Variants in SALL4 observed in about 807,000 individuals in gnomAD.
SALL4 encodes the protein spalt like transcription factor 4, also known as sal-like protein 4.
A neutral mutation model predicts 60.8 loss-of-function variants in SALL4; 4 were observed. The ratio of observed to expected loss-of-function variants is 0.07; its 90% confidence interval spans 0.03 to 0.15. The LOEUF is 0.15. Among genes scored for constraint, SALL4 ranks in the 10% least tolerant of loss-of-function variants. SALL4 has a pLI of 1.00. For missense variants in SALL4, 1,178 were observed against 1,394.7 expected (o/e 0.84, Z 2.48); for synonymous variants, 580 against 574.9 (o/e 1.01, Z -0.13).
At chr20:51,794,244 C>G (rs1016546710) in intron 1 of SALL4, among the ~76,000 whole-genome samples, 23 of 152,358 alleles carry the variant, frequency 1.5e-4, no homozygotes, top group African/African-American at 5.3e-4. Context: ...TTTGTACCAG[C>G]AGATGCCCAT....
In SALL4 at chr20:51,790,337, G is replaced by A; in HGVS notation, c.2146C>T (p.His716Tyr). The A allele has an allele frequency of 6.2e-7, 1 of 1,614,160 alleles. No homozygotes were observed. Among genetic ancestry groups the A allele is most frequent in the South Asian group, 1.1e-5 (1 of 91,080 alleles). ...SKVPTPLPSI[H>Y]SASPTLGFAM... ...AACCCTAGCGTGGGTGATGCCGAGT[G>A]GATGCTGGGAAGAGGCGTGGGGACC... The change falls in exon 2 of 4, where the codon CAC (histidine) becomes TAC (tyrosine). Residue 716 changes from histidine to tyrosine, a missense_variant. Around this residue, in one of 5 missense-constraint regions of SALL4, gnomAD observed 853 missense variants for 1,036.8 expected, o/e 0.82. Transcript: ENST00000217086. This position sits in a 1 kb window ranked among gnomAD's most constrained non-coding sequence, Gnocchi z 5.5.
intron 1 of SALL4, chr20:51,793,049 G>A: frequency 4.3e-6 from 4 of 929,164 alleles, no homozygotes; most frequent in Non-Finnish European, 5.1e-6. Context: ...TTTCAGAAAT[G>A]TTCACAGCAG....
chr20:51,797,760 A>T (rs776420124), intron 1 of SALL4, among the ~76,000 whole-genome samples: 6 of 149,912 alleles, frequency 4.0e-5, no homozygotes, highest in Non-Finnish European at 8.8e-5. Context: ...TTATCCAATA[A>T]GTTGGAAGAA....
intron 1 of SALL4, chr20:51,792,691 A>G: frequency 1.6e-6 from 1 of 639,100 alleles, no homozygotes; most frequent in Non-Finnish European, 2.0e-6. Context: ...TCCATCTCAA[A>G]AAAAAAAAAA....
chr20:51,789,906 G>T, intron 2 of SALL4, 116 bp downstream of exon 2: 2 of 1,233,468 alleles, frequency 1.6e-6, no homozygotes, highest in East Asian at 2.3e-5. Flanking sequence ...AAAGCTAATT[G>T]CCCTATAGAA....
intron 3 of SALL4, among the ~76,000 whole-genome samples, chr20:51,785,834 G>A (rs976734388): frequency 3.9e-5 from 6 of 151,914 alleles, no homozygotes; most frequent in Non-Finnish European, 8.8e-5. Flanking sequence ...AGTAGAGACG[G>A]GGTTTCACCA....
Position 51,792,324 on chromosome 20 carries a change from G to A in SALL4, c.159C>T (p.Asp53=), listed in dbSNP as rs146185073. Residue 53 remains aspartate, a synonymous_variant, in exon 2 of 4, where the codon GAC becomes GAT. Transcript: ENST00000217086. ...TGGCTTCATCCTCACTCGCCACCTC[G>A]TCATTCCCTGGGTGGTTCACTGGAG... ...LGAPVNHPGN[D]EVASEDEATV... is the part of the protein sequence containing the mutation. 29 of 1,605,398 alleles carry A rather than the reference G, an allele frequency of 1.8e-5. No homozygotes were observed. Among genetic ancestry groups the A allele is most frequent in the Middle Eastern group, 1.6e-4 (1 of 6,084 alleles).
rs1161466850 is a variant in SALL4, at chr20:51,786,161, A to G, written c.2743-1477T>C. 4.3e-5 allele frequency among the ~76,000 whole-genome samples: 6 copies of G among 140,740 alleles called. No individual in the cohort carries two copies. In the Admixed American group the frequency reaches 4.4e-4, roughly 10 times the overall value. The allele number at this position is 140,740 out of a possible 152,430, so 92.3% of individuals were successfully genotyped here. On this transcript the variant is annotated intron_variant, in intron 3 of 3. Transcript: ENST00000217086. ...GAGTACGGTGGAATGATCTTGGCTCAATGCAAGCTCCACCTCCCGGGTTCA... is the reference window on the plus strand; with the variant it reads ...GAGTACGGTGGAATGATCTTGGCTCGATGCAAGCTCCACCTCCCGGGTTCA...
chr20:51,786,196 C>T (rs2122955194), intron 3 of SALL4, among the ~76,000 whole-genome samples: 1 of 151,106 alleles, frequency 6.6e-6, no homozygotes, highest in South Asian at 2.1e-4. Flanking sequence ...ACACCATTCT[C>T]CTGCCTCAGC....
chr20:51,785,458 G>A (rs1326512011), intron 3 of SALL4, among the ~76,000 whole-genome samples: 2 of 152,096 alleles, frequency 1.3e-5, no homozygotes, highest in South Asian at 4.1e-4. Flanking sequence ...TTAAGTCAGG[G>A]ACTGTCTGCA....
chr20:51,800,307 G>A (rs942257070), intron 1 of SALL4, among the ~76,000 whole-genome samples: 1 of 152,222 alleles, frequency 6.6e-6, no homozygotes, highest in African/African-American at 2.4e-5. Flanking sequence ...TCCCAGCAAA[G>A]GGCTAGGCTT....
rs2078108214 is a variant in SALL4 at position 51,801,311 on chromosome 20, C to A, written c.130+968G>T. On this transcript the variant is annotated intron_variant, in intron 1 of 3. Coordinates refer to ENST00000217086, the MANE Select transcript of SALL4 (RefSeq NM_020436.5). This position sits in a 1 kb window ranked among gnomAD's most constrained non-coding sequence, Gnocchi z 5.2. Reference sequence around the variant, plus strand: ...TCCCCTCGATCTGGGAAACGCTGGCCGCGGAAGCGTGGGCCAGGTCAGCCG... The same window carrying A: ...TCCCCTCGATCTGGGAAACGCTGGCAGCGGAAGCGTGGGCCAGGTCAGCCG... 6.6e-6 allele frequency among the ~76,000 whole-genome samples: 1 copy of A among 152,162 alleles called. No homozygotes were observed. The highest frequency in any genetic ancestry group is 2.4e-5 in the African/African-American group (1 of 41,446).
In SALL4 at chr20:51,802,351, C is replaced by G. The variant is rs2078116284; in HGVS notation, c.58G>C (p.Glu20Gln). 6.2e-7 allele frequency: 1 copy of G among 1,610,748 alleles called. No individual in the cohort carries two copies. The change falls in exon 1 of 4, where the codon GAG becomes CAG. Residue 20 changes from glutamate (E) to glutamine (Q), a missense_variant. Transcript: ENST00000217086. ...QHINSEEDQG[E>Q]QQPQQQTPEF... ...GGGGTCTGCTGCTGCGGCTGCTGCT[C>G]GCCCTGGTCCTCCTCCGAGTTGATG...
chr20:51,798,845 A>AAAAACAAAAC (rs369396897), intron 1 of SALL4, among the ~76,000 whole-genome samples: 17 of 151,508 alleles, frequency 1.1e-4, no homozygotes, highest in African/African-American at 3.4e-4. Flanking sequence ...AAAAACCAAT[A>AAAAACAAAAC]AAAACAAAAC....
At chr20:51,789,674 AC>A (rs1321329641) in intron 2 of SALL4, among the ~76,000 whole-genome samples, 1 of 152,122 alleles carries the variant, frequency 6.6e-6, no homozygotes, top group Non-Finnish European at 1.5e-5. Flanking sequence ...CTCTTAAGAC[AC>A]CCATATACAG....
At chr20:51,796,673 C>CTGCT (rs1381820465) in intron 1 of SALL4, among the ~76,000 whole-genome samples, 1 of 152,134 alleles carries the variant, frequency 6.6e-6, no homozygotes, top group African/African-American at 2.4e-5. Flanking sequence ...AGATGACATA[C>CTGCT]TGCTTGCTAG....
chr20:51,792,901 A>AC lies in SALL4; in HGVS notation c.131-550dup, dbSNP rs147783070. On this transcript the variant is annotated intron_variant, in intron 1 of 3. Coordinates refer to ENST00000217086, the MANE Select transcript of SALL4 (RefSeq NM_020436.5). ...ACCTCCCTGCTGTCCTCTCAGGTATACCCCATCATCAAGATATCAATGGAG... is the reference window on the plus strand; with the variant it reads ...ACCTCCCTGCTGTCCTCTCAGGTATACCCCCATCATCAAGATATCAATGGAG... The AC allele has an allele frequency of 1.4e-3, 1,454 of 1,003,030 alleles. 18 individuals are homozygous for AC. In the African/African-American group the frequency reaches 0.023, roughly 16 times the overall value. 62.1% of individuals were successfully genotyped at this position (1,003,030 alleles called of 1,614,324 possible). A position where few individuals can be genotyped will look rare whatever the true frequency, so the allele number is the denominator to read the frequency against.
At chr20:51,795,981 G>A (rs1363273073) in intron 1 of SALL4, among the ~76,000 whole-genome samples, 1 of 152,014 alleles carries the variant, frequency 6.6e-6, no homozygotes, top group Admixed American at 6.6e-5. Context: ...GATCACCTGG[G>A]TTCAGGAGTT....
intron 1 of SALL4, among the ~76,000 whole-genome samples, chr20:51,800,802 T>A (rs981771691): frequency 8.5e-5 from 12 of 141,660 alleles, no homozygotes; most frequent in Non-Finnish European, 1.7e-4. Flanking sequence ...CGCGCTGCGC[T>A]GACCACCCGG....
Sources: allele counts gnomAD v4.1 joint callset (sites outside exome capture counted in the v4.1 genomes callset), GRCh38; gene constraint gnomAD v4.1.1; regional missense constraint gnomAD v4.1.1; non-coding constraint Gnocchi (gnomAD v3.1); transcripts MANE v1.5; gene names NCBI Gene and HGNC (gene_info 2026-07-23, HGNC 2026-07-21).